The following SIPA1L3 variants were observed in gnomAD, a reference collection of about 807,000 sequenced individuals.
The protein encoded by SIPA1L3 is signal induced proliferation associated 1 like 3, also known as signal-induced proliferation-associated 1-like protein 3.
SIPA1L3 carries 59 observed loss-of-function variants against 150.1 expected under a neutral mutation model. The ratio of observed to expected loss-of-function variants is 0.39; its 90% CI spans 0.32 to 0.49. The LOEUF is 0.49. SIPA1L3 is among the 20% of genes least tolerant of loss of function. The pLI is 0.86. For missense variants in SIPA1L3, 2,211 were observed against 2,489.5 expected (o/e 0.89, Z 2.38); for synonymous variants, 1,070 against 1,077.6 (o/e 0.99, Z 0.14).
chr19:38,096,469 G>C (rs976187440), intron 4 of SIPA1L3, among the ~76,000 whole-genome samples: 5 of 152,024 alleles, frequency 3.3e-5, no homozygotes, highest in African/African-American at 1.2e-4. Context: ...GGCTGGTCTC[G>C]AACTCCTGAC....
At chr19:37,926,366 C>T (rs1460323834) in intron 1 of SIPA1L3, among the ~76,000 whole-genome samples, 1 of 152,196 alleles carries the variant, frequency 6.6e-6, no homozygotes, top group Non-Finnish European at 1.5e-5. Flanking sequence ...CCTCACCTGG[C>T]TTCTGATGTT....
chr19:38,160,786 A>C (rs1274809289), intron 13 of SIPA1L3, among the ~76,000 whole-genome samples: 1 of 152,142 alleles, frequency 6.6e-6, no homozygotes, highest in Admixed American at 6.5e-5. Flanking sequence ...TCCCACACAC[A>C]ATCCCACGCT....
intron 15 of SIPA1L3, among the ~76,000 whole-genome samples, chr19:38,166,891 C>T (rs897136180): frequency 2.6e-5 from 4 of 151,676 alleles, no homozygotes; most frequent in Non-Finnish European, 5.9e-5. Flanking sequence ...CTTCTGACCA[C>T]AGTCCACAGT....
At chr19:37,998,985 A>T (rs1050333327) in intron 1 of SIPA1L3, among the ~76,000 whole-genome samples, 1 of 145,970 alleles carries the variant, frequency 6.9e-6, no homozygotes, top group Non-Finnish European at 1.5e-5. Context: ...TCTATCACAC[A>T]CACACACACA....
At chr19:38,014,039 G>C (rs940116526) in intron 1 of SIPA1L3, among the ~76,000 whole-genome samples, 3 of 152,248 alleles carry the variant, frequency 2.0e-5, no homozygotes, top group African/African-American at 7.2e-5. Context: ...CACATGGCCT[G>C]CTCAGCCCGG....
chr19:38,102,523 A>C (rs1310958567), intron 6 of SIPA1L3, among the ~76,000 whole-genome samples: 3 of 151,118 alleles, frequency 2.0e-5, no homozygotes, highest in Non-Finnish European at 2.9e-5. Context: ...TTGGGAGGCC[A>C]AGGAAGGAGG....
At chr19:38,014,620 A>G (rs1373973984) in intron 1 of SIPA1L3, among the ~76,000 whole-genome samples, 1 of 141,914 alleles carries the variant, frequency 7.0e-6, no homozygotes, top group Non-Finnish European at 1.5e-5. Context: ...TGGTACAATC[A>G]TAGCTCACTT....
chr19:37,958,238 A>C (rs1398360524), intron 1 of SIPA1L3, among the ~76,000 whole-genome samples: 1 of 151,530 alleles, frequency 6.6e-6, no homozygotes, highest in Non-Finnish European at 1.5e-5. Flanking sequence ...GTTTGAGACC[A>C]GCCCAGGCAA....
intron 10 of SIPA1L3, among the ~76,000 whole-genome samples, chr19:38,137,582 G>GA (rs1432548210): frequency 1.3e-5 from 2 of 151,908 alleles, no homozygotes; most frequent in Non-Finnish European, 2.9e-5. Context: ...TTATAGGTGT[G>GA]AGCCACTGCA....
chr19:38,043,252 A>G (rs1413979622), intron 2 of SIPA1L3, among the ~76,000 whole-genome samples: 1 of 152,212 alleles, frequency 6.6e-6, no homozygotes, highest in African/African-American at 2.4e-5. Context: ...AGGCAGGAGA[A>G]TCGCTTGAAC....
chr19:38,187,886 A>G (rs1296825956), intron 16 of SIPA1L3, among the ~76,000 whole-genome samples: 2 of 150,308 alleles, frequency 1.3e-5, no homozygotes, highest in Non-Finnish European at 3.0e-5. Flanking sequence ...AGTCTCAGCT[A>G]TTGGGAGGCT....
chr19:37,941,353 A>G (rs1468906303), intron 1 of SIPA1L3, among the ~76,000 whole-genome samples: 1 of 151,220 alleles, frequency 6.6e-6, no homozygotes, highest in Admixed American at 6.6e-5. Context: ...CCCCTCATCT[A>G]TTATTCAGTT....
intron 12 of SIPA1L3, among the ~76,000 whole-genome samples, chr19:38,149,520 G>A (rs907753017): frequency 1.3e-5 from 2 of 152,308 alleles, no homozygotes; most frequent in Non-Finnish European, 2.9e-5. Context: ...TATGTATTAC[G>A]ATTAGGTTTA....
At chr19:37,924,080 CTT>C (rs1001643501) in intron 1 of SIPA1L3, among the ~76,000 whole-genome samples, 9 of 152,156 alleles carry the variant, frequency 5.9e-5, no homozygotes, top group African/African-American at 2.2e-4. Context: ...GGCCTTGACT[CTT>C]TGGTAATACC....
intron 2 of SIPA1L3, among the ~76,000 whole-genome samples, chr19:38,036,524 A>T (rs1968793870): frequency 6.6e-6 from 1 of 152,074 alleles, no homozygotes; most frequent in African/African-American, 2.4e-5. Context: ...AGCTCCGTGG[A>T]GTGCTTGGCC....
At chr19:37,965,625 T>C (rs1013360892) in intron 1 of SIPA1L3, among the ~76,000 whole-genome samples, 9 of 152,144 alleles carry the variant, frequency 5.9e-5, no homozygotes, top group African/African-American at 1.9e-4. Context: ...GGTTTTTGTT[T>C]TAAACTTCTA....
intron 9 of SIPA1L3, among the ~76,000 whole-genome samples, chr19:38,124,277 T>A (rs1354626286): frequency 7.3e-6 from 1 of 136,166 alleles, no homozygotes; most frequent in African/African-American, 2.9e-5. Flanking sequence ...GTCTCCTCAC[T>A]TCTCAGACGG....
chr19:38,196,034 T>C (rs1972922082), intron 18 of SIPA1L3, among the ~76,000 whole-genome samples: 1 of 151,948 alleles, frequency 6.6e-6, no homozygotes, highest in South Asian at 2.1e-4. Context: ...CCCACACCCC[T>C]GAGCTGGGGA....
At chr19:38,143,343 G>A (rs1971634305) in intron 12 of SIPA1L3, among the ~76,000 whole-genome samples, 1 of 152,074 alleles carries the variant, frequency 6.6e-6, no homozygotes, top group African/African-American at 2.4e-5. Context: ...TTGGGCCTGA[G>A]CTGTGGCCCT....
Sources: gnomAD v4.1 joint callset for allele counts (sites outside exome capture counted in the v4.1 genomes callset) on GRCh38, gnomAD v4.1.1 for gene constraint, MANE v1.5 for transcripts, NCBI Gene and HGNC (gene_info 2026-07-23, HGNC 2026-07-21) for gene names.